Variants in PISD observed in about 807,000 individuals in gnomAD.
The protein encoded by PISD is phosphatidylserine decarboxylase.
In PISD, 31 loss-of-function variants were observed where a neutral mutation model predicts 43.5. The observed-to-expected ratio is 0.71, with a 90% CI of 0.54 to 0.96. The LOEUF (loss-of-function observed/expected upper bound fraction) is 0.96, where lower values mean the gene tolerates loss of function less well. Ranked by LOEUF, PISD falls within the 40% of genes least tolerant of loss-of-function variation. The pLI is 0.00. For synonymous variants in PISD, 259 were observed against 228.7 expected (o/e 1.13, Z -1.20); for missense variants, 523 against 548.4 (o/e 0.95, Z 0.46).
At chr22:31,642,064 T>C (rs570572560) in intron 3 of PISD, among the ~76,000 whole-genome samples, 1 of 151,124 alleles carries the variant, frequency 6.6e-6, no homozygotes, top group South Asian at 2.1e-4. Flanking sequence ...TCTGCAACAT[T>C]ATTCATGGTG....
At chr22:31,622,034 G>C in intron 3 of PISD, 149 bp from the exon 4 acceptor site, 1 of 639,076 alleles carries the variant, frequency 1.6e-6, no homozygotes, top group Non-Finnish European at 2.8e-6. Context: ...CTGCTTTTGT[G>C]ATGTGGCTGT....
intron 1 of PISD, among the ~76,000 whole-genome samples, chr22:31,654,763 C>T (rs1440570350): frequency 1.3e-5 from 2 of 152,058 alleles, no homozygotes; most frequent in East Asian, 1.9e-4. Context: ...ACAAACATGC[C>T]GACTGTGGGA....
chr22:31,621,240 A>T, intron 5 of PISD, 94 bp downstream of exon 5: 3 of 1,609,056 alleles, frequency 1.9e-6, no homozygotes, highest in Non-Finnish European at 2.6e-6. Context: ...GAGGCCCCAC[A>T]TGCCAGCCTC....
In PISD at chr22:31,619,077, A is replaced by G. The variant is rs2072327048; in HGVS notation, c.*535T>C. 8.6e-6 allele frequency: 2 copies of G among 233,848 alleles called. No individual in the cohort carries two copies. Among genetic ancestry groups the G allele is most frequent in the Non-Finnish European group, 1.7e-5 (2 of 116,334 alleles). 14.5% of individuals were successfully genotyped at this position (233,848 alleles called of 1,614,324 possible). On this transcript the variant is annotated 3_prime_UTR_variant, in exon 8 of 8. Coordinates refer to ENST00000439502, the MANE Select transcript of PISD (RefSeq NM_001326411.2). ...CACAAGCACAAAGACTGCTTTTTCT[A>G]AAGAGCAGGATGAGGTGAATGTGGG...
intron 3 of PISD, chr22:31,638,347 T>C: frequency 3.0e-6 from 3 of 985,248 alleles, no homozygotes; most frequent in Non-Finnish European, 3.6e-6. Context: ...GTCAAGCCCC[T>C]GCCCCATGGG....
At position 31,648,666 on chromosome 22, in the gene PISD, C is replaced by CA. The variant is rs60346600; in HGVS notation, c.146-391dup. ...TAGGTAACAGAGCGAGACTCCATTT[C>CA]AAAAAAAAAAAAAAAAGAAGCCCTC... On this transcript the variant is annotated intron_variant, in intron 2 of 7. Transcript: ENST00000439502. Among the ~76,000 whole-genome samples the CA allele has an allele frequency of 8.5e-3, 716 of 84,602 alleles. 1 individual carries two copies. Among genetic ancestry groups the CA allele is most frequent in the East Asian group, 0.035 (105 of 2,978 alleles). 55.5% of individuals were successfully genotyped at this position (84,602 alleles called of 152,430 possible). A position where few individuals can be genotyped will look rare whatever the true frequency, so the allele number is the denominator to read the frequency against.
At position 31,619,680 on chromosome 22, in the gene PISD, T is replaced by C; in HGVS notation, c.1162A>G (p.Lys388Glu). 2 of 1,614,222 alleles carry C rather than the reference T, an allele frequency of 1.2e-6. No individual in the cohort carries two copies. Among genetic ancestry groups the C allele is most frequent in the Non-Finnish European group, 1.7e-6 (2 of 1,180,036 alleles). ...GTTTTCAGCTGGAAATTGAAGTCCTTGGGGGCCTCGAAGATGAGCACGATG... is the reference window on the plus strand; with the variant it reads ...GTTTTCAGCTGGAAATTGAAGTCCTCGGGGGCCTCGAAGATGAGCACGATG... ...STIVLIFEAP[K>E]DFNFQLKTGQ... is the part of the protein sequence containing the mutation. Residue 388 changes from lysine to glutamate, a missense_variant, in exon 8 of 8, where the codon AAG becomes GAG. By Grantham distance (56) the Lys-to-Glu change is moderately conservative. Transcript: ENST00000439502.
At chr22:31,633,349 C>T (rs1310122922) in intron 3 of PISD, among the ~76,000 whole-genome samples, 1 of 152,222 alleles carries the variant, frequency 6.6e-6, no homozygotes, top group African/African-American at 2.4e-5. Flanking sequence ...GTGGAATGGC[C>T]AGCTCGGCTG....
intron 3 of PISD, among the ~76,000 whole-genome samples, chr22:31,643,562 A>G (rs983061946): frequency 1.3e-5 from 2 of 152,118 alleles, no homozygotes; most frequent in Admixed American, 1.3e-4. Context: ...TCACACCACT[A>G]CTCTCCAGCC....
chr22:31,619,795 G>T lies in PISD; in HGVS notation c.1047C>A (p.Tyr349Ter). 1.2e-6 allele frequency: 2 copies of T among 1,614,188 alleles called. No homozygotes were observed. Among genetic ancestry groups the T allele is most frequent in the Non-Finnish European group, 8.5e-7 (1 of 1,180,000 alleles). ...TNSPRHSKGS[Y>*]NDFSFVTHTN... is the part of the protein sequence containing the mutation. The stretch of plus-strand genomic sequence containing the variant: ...TGTGCGTCACGAAGCTGAAGTCATT[G>T]TAGGAGCCCTTGCTGTGCCTTGGGC... The change falls in exon 8 of 8, where the codon TAC (tyrosine) becomes TAA (stop). Residue 349 changes from tyrosine to a stop codon, truncating the protein, a stop_gained. Transcript: ENST00000439502. LOFTEE classifies it high-confidence loss of function.
upstream of PISD, chr22:31,662,271 C>A: frequency 1.3e-6 from 2 of 1,527,462 alleles, no homozygotes; most frequent in South Asian, 2.2e-5. Context: ...CTTAAGGCGT[C>A]ACGAGTCTCG....
chr22:31,651,339 G>C (rs2074023328), intron 1 of PISD, among the ~76,000 whole-genome samples: 1 of 152,148 alleles, frequency 6.6e-6, no homozygotes, highest in Non-Finnish European at 1.5e-5. Flanking sequence ...GAATGTATAT[G>C]TATACACACA....
At chr22:31,629,624 T>C (rs2073100366) in intron 3 of PISD, 1 of 72,458 alleles carries the variant, frequency 1.4e-5, no homozygotes. Flanking sequence ...GGGGTGTGTG[T>C]AGGTAGGGGG....
chr22:31,636,532 T>C (rs2073442725), intron 3 of PISD, among the ~76,000 whole-genome samples: 1 of 151,046 alleles, frequency 6.6e-6, no homozygotes, highest in African/African-American at 2.4e-5. Context: ...CCAGCTAATT[T>C]CTGGGTTTTG....
intron 1 of PISD, among the ~76,000 whole-genome samples, chr22:31,653,034 A>G (rs61151238): frequency 0.083 from 11,643 of 139,830 alleles, 525 homozygotes; most frequent in African/African-American, 0.14. Flanking sequence ...GTAGGACCCT[A>G]CCTTAAAAAA....
At chr22:31,620,520 C>T in intron 7 of PISD, 33 bp downstream of exon 7, 2 of 1,612,326 alleles carry the variant, frequency 1.2e-6, no homozygotes, top group African/African-American at 1.3e-5. Flanking sequence ...AGGTCTGGCC[C>T]TTGGGCTTTG....
chr22:31,621,831 G>C lies in PISD; in HGVS notation c.376C>G (p.Leu126Val). 1 of 1,612,748 alleles carries C rather than the reference G, an allele frequency of 6.2e-7. No individual in the cohort carries two copies. Among genetic ancestry groups the C allele is most frequent in the East Asian group, 2.2e-5 (1 of 44,886 alleles). Residue 126 changes from leucine (L) to valine (V), a missense_variant, in exon 4 of 8, where the codon CTC becomes GTC. Coordinates refer to ENST00000439502, the MANE Select transcript of PISD (RefSeq NM_001326411.2). ...TRLLSRAWGR[L>V]NQVELPHWLR... ...CAGTGTGGCAGCTCCACCTGATTGA[G>C]GCGACCCCAGGCCCGTGACAGCAAG... is the stretch of plus-strand genomic sequence containing the variant.
chr22:31,646,718 T>G (rs1479129402), intron 3 of PISD, among the ~76,000 whole-genome samples: 1 of 152,120 alleles, frequency 6.6e-6, no homozygotes, highest in African/African-American at 2.4e-5. Context: ...ACTTTACAAG[T>G]ACTTTACTAA....
chr22:31,656,485 C>A (rs1179944566), intron 1 of PISD, among the ~76,000 whole-genome samples: 1 of 151,870 alleles, frequency 6.6e-6, no homozygotes, highest in Non-Finnish European at 1.5e-5. Context: ...TCCATCTCTA[C>A]TAAAAATACA....
Sources: allele counts gnomAD v4.1 joint callset (sites outside exome capture counted in the v4.1 genomes callset), GRCh38; gene constraint gnomAD v4.1.1; transcripts MANE v1.5; gene names NCBI Gene and HGNC (gene_info 2026-07-23, HGNC 2026-07-21).